L3MBTL3: variants seen among roughly 807,000 people sequenced by gnomAD.
L3MBTL3 encodes the protein lethal(3)malignant brain tumor-like protein 3.
A neutral mutation model predicts 102.3 loss-of-function variants in L3MBTL3; 27 were observed. The ratio of observed to expected loss-of-function variants is 0.26; its 90% confidence interval spans 0.19 to 0.36. The LOEUF (loss-of-function observed/expected upper bound fraction) is 0.36. Ranked by LOEUF, L3MBTL3 falls within the 10% of genes least tolerant of loss-of-function variation. The pLI, the probability that L3MBTL3 is intolerant of heterozygous loss-of-function variation, is 1.00. For synonymous variants in L3MBTL3, 340 were observed against 320.9 expected, an observed-to-expected ratio of 1.06 and a Z score of -0.64; for missense variants, 798 against 955.3, an observed-to-expected ratio of 0.84 and a Z score of 2.17.
chr6:130,035,098 G>T, intron 2 of L3MBTL3, among the ~76,000 whole-genome samples: 1 of 152,050 alleles, frequency 6.6e-6, no homozygotes, highest in East Asian at 1.9e-4. Context: ...CATGCCTTTT[G>T]TAATATACAC....
chr6:130,039,164 G>A (rs1780252884), intron 2 of L3MBTL3, among the ~76,000 whole-genome samples: 1 of 151,982 alleles, frequency 6.6e-6, no homozygotes, highest in Non-Finnish European at 1.5e-5. Context: ...CTTGACAATT[G>A]CCAACACATT....
At chr6:130,022,970 G>A (rs560743785) in intron 2 of L3MBTL3, among the ~76,000 whole-genome samples, 1 of 152,260 alleles carries the variant, frequency 6.6e-6, no homozygotes, top group Non-Finnish European at 1.5e-5. Flanking sequence ...TTAGGGCAAA[G>A]GTCATTCTCA....
chr6:130,082,518 GATAGTAACCAGTT>G (rs1308212998), intron 14 of L3MBTL3, among the ~76,000 whole-genome samples: 2 of 152,130 alleles, frequency 1.3e-5, no homozygotes, highest in African/African-American at 2.4e-5. Flanking sequence ...GATTTTCTCA[GATAGTAACCAGTT>G]ATAGCCCCTT....
chr6:130,072,354 A>G (rs1000752912), intron 13 of L3MBTL3, among the ~76,000 whole-genome samples: 5 of 152,176 alleles, frequency 3.3e-5, no homozygotes, highest in Non-Finnish European at 2.9e-5. Context: ...ATATGCAATT[A>G]CTATGCCATT....
At chr6:130,024,607 G>C (rs1308990807) in intron 2 of L3MBTL3, among the ~76,000 whole-genome samples, 1 of 152,176 alleles carries the variant, frequency 6.6e-6, no homozygotes, top group East Asian at 1.9e-4. Context: ...TTAGGATGGG[G>C]AATTTATGAG....
At chr6:130,020,888 A>G (rs548327853) in intron 1 of L3MBTL3, among the ~76,000 whole-genome samples, 3 of 150,106 alleles carry the variant, frequency 2.0e-5, no homozygotes, top group South Asian at 4.3e-4. Context: ...GGCCACCGCC[A>G]GAAAAATGCA....
chr6:130,071,161 T>C (rs1449877431), intron 13 of L3MBTL3, 34 bp downstream of exon 13: 2 of 1,576,784 alleles, frequency 1.3e-6, no homozygotes, highest in South Asian at 1.1e-5. Flanking sequence ...TTTTAAAAAT[T>C]TAATATTTAT....
rs1474923016 is a variant in L3MBTL3 at position 130,042,688 on chromosome 6, A to G, written c.-12A>G. 1.9e-6 allele frequency: 3 copies of G among 1,587,484 alleles called. No homozygotes were observed. Among genetic ancestry groups the G allele is most frequent in the East Asian group, 4.5e-5 (2 of 44,726 alleles). On this transcript the variant is annotated 5_prime_UTR_variant, in exon 3 of 23. Transcript: ENST00000361794. Reference sequence around the variant, plus strand: ...ATGCCTTCTTTTCCCCTTTCAGGTTAAAAAATAAATCATGACTGAATCTGC... The same window carrying G: ...ATGCCTTCTTTTCCCCTTTCAGGTTGAAAAATAAATCATGACTGAATCTGC...
intron 2 of L3MBTL3, among the ~76,000 whole-genome samples, chr6:130,027,369 T>G (rs114264427): frequency 0.012 from 1,895 of 152,304 alleles, 41 homozygotes; most frequent in African/African-American, 0.043. Context: ...ACTAGAACAT[T>G]TTGGGTATGA....
At chr6:130,060,582 A>T (rs539282073) in intron 10 of L3MBTL3, among the ~76,000 whole-genome samples, 1 of 152,126 alleles carries the variant, frequency 6.6e-6, no homozygotes, top group South Asian at 2.1e-4. Flanking sequence ...AGAGTACTTT[A>T]AAAACTGTGA....
At chr6:130,021,649 AG>A (rs1779022894) in intron 1 of L3MBTL3, among the ~76,000 whole-genome samples, 1 of 152,218 alleles carries the variant, frequency 6.6e-6, no homozygotes, top group Non-Finnish European at 1.5e-5. Flanking sequence ...AAAGACCTTT[AG>A]TTGAGATTTG....
At chr6:130,110,374 C>T (rs963936283) in intron 19 of L3MBTL3, among the ~76,000 whole-genome samples, 2 of 152,174 alleles carry the variant, frequency 1.3e-5, no homozygotes, top group African/African-American at 4.8e-5. Flanking sequence ...TTTCCTTGAG[C>T]AGTGGTTTGT....
At chr6:130,068,853 G>A (rs75506737) in intron 12 of L3MBTL3, among the ~76,000 whole-genome samples, 1 of 152,262 alleles carries the variant, frequency 6.6e-6, no homozygotes, top group East Asian at 1.9e-4. Context: ...TTTGTTTACA[G>A]TAAACAAAAA....
chr6:130,042,309 A>AC (rs1780471515), intron 2 of L3MBTL3, among the ~76,000 whole-genome samples: 1 of 152,128 alleles, frequency 6.6e-6, no homozygotes, highest in Non-Finnish European at 1.5e-5. Context: ...ATCCATACCT[A>AC]CTTTTTTCTA....
At chr6:130,070,279 G>A (rs1445539407) in intron 12 of L3MBTL3, among the ~76,000 whole-genome samples, 1 of 152,140 alleles carries the variant, frequency 6.6e-6, no homozygotes, top group African/African-American at 2.4e-5. Flanking sequence ...TGTACCTTAA[G>A]CACTAACTCT....
intron 2 of L3MBTL3, among the ~76,000 whole-genome samples, chr6:130,042,284 G>A (rs1483476205): frequency 6.6e-6 from 1 of 152,062 alleles, no homozygotes; most frequent in African/African-American, 2.4e-5. Flanking sequence ...ATAACAAATT[G>A]GCAGATTATC....
intron 19 of L3MBTL3, among the ~76,000 whole-genome samples, chr6:130,110,569 G>A (rs1245491244): frequency 6.6e-6 from 1 of 152,180 alleles, no homozygotes; most frequent in African/African-American, 2.4e-5. Context: ...TGCTGAAGTT[G>A]CTTATCAGCT....
At chr6:130,135,519 T>A (rs1208993790) in intron 22 of L3MBTL3, among the ~76,000 whole-genome samples, 2 of 152,236 alleles carry the variant, frequency 1.3e-5, no homozygotes, top group Non-Finnish European at 2.9e-5. Context: ...GTTTTTTTAT[T>A]CTGTTGTTAT....
chr6:130,089,529 A>G (rs187438412), intron 16 of L3MBTL3, among the ~76,000 whole-genome samples: 220 of 152,258 alleles, frequency 1.4e-3, no homozygotes, highest in African/African-American at 5.1e-3. Flanking sequence ...ATAAACATAC[A>G]TGTGCATGTG....
Sources: allele counts gnomAD v4.1 joint callset (sites outside exome capture counted in the v4.1 genomes callset), GRCh38; gene constraint gnomAD v4.1.1; transcripts MANE v1.5; gene names NCBI Gene and HGNC (gene_info 2026-07-23, HGNC 2026-07-21).